PGAP1: variants seen among roughly 807,000 people sequenced by gnomAD.
The protein encoded by PGAP1 is post-GPI attachment to proteins inositol deacylase 1, also known as GPI inositol-deacylase.
A neutral mutation model predicts 127.0 loss-of-function variants in PGAP1; 76 were observed. The ratio of observed to expected loss-of-function variants is 0.60; its 90% CI spans 0.50 to 0.72. The LOEUF (loss-of-function observed/expected upper bound fraction) is 0.72. Ranked by LOEUF, PGAP1 falls within the 30% of genes least tolerant of loss-of-function variation. PGAP1 has a pLI of 0.00. For missense variants in PGAP1, 982 were observed against 1,071.3 expected (o/e 0.92, Z 1.16); for synonymous variants, 362 against 366.5 (o/e 0.99, Z 0.14).
At chr2:196,919,258 T>C (rs1177050337) in intron 2 of PGAP1, among the ~76,000 whole-genome samples, 3 of 152,178 alleles carry the variant, frequency 2.0e-5, no homozygotes, top group African/African-American at 2.4e-5. Flanking sequence ...GAGAGGGACT[T>C]TGTCTTGATA....
At chr2:196,920,270 T>C (rs1703145773) in intron 1 of PGAP1, 120 bp from the exon 2 acceptor site, 1 of 816,816 alleles carries the variant, frequency 1.2e-6, no homozygotes, top group Admixed American at 3.0e-5. Context: ...ATTACTGATA[T>C]TAAAACCACA....
intron 7 of PGAP1, among the ~76,000 whole-genome samples, chr2:196,896,192 G>T (rs535163631): frequency 6.6e-6 from 1 of 152,254 alleles, no homozygotes; most frequent in East Asian, 1.9e-4. Flanking sequence ...TGAACAATTT[G>T]GAAAATTACT....
intron 5 of PGAP1, among the ~76,000 whole-genome samples, chr2:196,899,869 A>G (rs1414946398): frequency 6.6e-6 from 1 of 152,190 alleles, no homozygotes; most frequent in Non-Finnish European, 1.5e-5. Flanking sequence ...CCGCATCTCT[A>G]CTAAAAAAAT....
At chr2:196,884,548 T>C (rs1054027746) in intron 12 of PGAP1, among the ~76,000 whole-genome samples, 39 of 152,320 alleles carry the variant, frequency 2.6e-4, no homozygotes, top group African/African-American at 8.2e-4. Context: ...TTAGCATAAG[T>C]TTCTCATTCT....
Position 196,898,408 on chromosome 2 carries a change from T to C in PGAP1, c.808-39A>G, listed in dbSNP as rs370018677. On this transcript the variant is annotated intron_variant, in intron 5 of 26. Coordinates refer to ENST00000354764, the MANE Select transcript of PGAP1 (RefSeq NM_024989.4). The stretch of plus-strand genomic sequence containing the variant: ...AAAAAATAAACTTACGAAAAGCACA[T>C]TTGTTATTCTCTAAAAGGTATGAAA... 7 of 1,374,588 alleles carry C rather than the reference T, an allele frequency of 5.1e-6. No individual in the cohort carries two copies. In the African/African-American group the frequency reaches 1.0e-4, roughly 20 times the overall value. The allele number at this position is 1,374,588 out of a possible 1,614,324, so 85.1% of individuals were successfully genotyped here.
chr2:196,834,237 T>C lies in PGAP1; in HGVS notation c.*6997A>G, dbSNP rs1379809280. The C allele has an allele frequency of 1.3e-5, 2 of 152,230 alleles. No homozygotes were observed. Among genetic ancestry groups the C allele is most frequent in the South Asian group, 4.1e-4 (2 of 4,830 alleles). The allele number at this position is 152,230 out of a possible 1,614,324, so 9.4% of individuals were successfully genotyped here. A position where few individuals can be genotyped will look rare whatever the true frequency, so the allele number is the denominator to read the frequency against. Reference sequence around the variant, plus strand: ...AGCCAAACCTAATTTTCTACATCTATGTAGCGTAAGTCTACTTTAATTCAA... The same window carrying C: ...AGCCAAACCTAATTTTCTACATCTACGTAGCGTAAGTCTACTTTAATTCAA... On this transcript the variant is annotated 3_prime_UTR_variant, in exon 27 of 27. Coordinates refer to ENST00000354764, the MANE Select transcript of PGAP1 (RefSeq NM_024989.4).
At chr2:196,869,917 A>G (rs1175317294) in intron 19 of PGAP1, among the ~76,000 whole-genome samples, 1 of 152,212 alleles carries the variant, frequency 6.6e-6, no homozygotes, top group Non-Finnish European at 1.5e-5. Context: ...CTATGCCTGC[A>G]TTGCAAAATA....
In PGAP1 at chr2:196,836,082, A is replaced by T. The variant is rs895502051; in HGVS notation, c.*5152T>A. ...CAAATACGCAAACAAATCTACACTA[A>T]CTAATCAAAACACACCAACAGATAC... On this transcript the variant is annotated 3_prime_UTR_variant, in exon 27 of 27. Coordinates refer to ENST00000354764, the MANE Select transcript of PGAP1 (RefSeq NM_024989.4). 6 of 152,248 alleles carry T rather than the reference A, an allele frequency of 3.9e-5. No individual in the cohort carries two copies. The highest frequency in any genetic ancestry group is 1.4e-4 in the African/African-American group (6 of 41,446). 9.4% of individuals were successfully genotyped at this position (152,248 alleles called of 1,614,324 possible). A position where few individuals can be genotyped will look rare whatever the true frequency, so the allele number is the denominator to read the frequency against.
chr2:196,871,195 T>C (rs1294374750), intron 18 of PGAP1, among the ~76,000 whole-genome samples: 2 of 152,174 alleles, frequency 1.3e-5, no homozygotes, highest in African/African-American at 2.4e-5. Flanking sequence ...CCCACATATC[T>C]AATTATTTGA....
At chr2:196,918,583 A>C (rs957311224) in intron 2 of PGAP1, among the ~76,000 whole-genome samples, 1 of 152,184 alleles carries the variant, frequency 6.6e-6, no homozygotes, top group African/African-American at 2.4e-5. Context: ...AAAATAATAC[A>C]TACTGAATGA....
chr2:196,922,608 ACACAC>A, intron 1 of PGAP1: 4 of 804,228 alleles, frequency 5.0e-6, no homozygotes, highest in Non-Finnish European at 6.0e-6. Context: ...ACACACACAC[ACACAC>A]ACAACAAAGC....
At chr2:196,857,538 T>C (rs1700925391) in intron 20 of PGAP1, among the ~76,000 whole-genome samples, 1 of 152,110 alleles carries the variant, frequency 6.6e-6, no homozygotes, top group Non-Finnish European at 1.5e-5. Flanking sequence ...AACTATGGGG[T>C]GATTGATCAG....
chr2:196,875,831 A>G lies in PGAP1; in HGVS notation c.1351-10T>C. On this transcript the variant is annotated splice_polypyrimidine_tract_variant and intron_variant, in intron 13 of 26. Coordinates refer to ENST00000354764, the MANE Select transcript of PGAP1 (RefSeq NM_024989.4). ...CACAATCTACAACAAACTGAAATAT[A>G]AAACATTGATTTATTAGAAAAAGTA... is the stretch of plus-strand genomic sequence containing the variant. 7.6e-7 allele frequency: 1 copy of G among 1,313,976 alleles called. No individual in the cohort carries two copies. The allele number at this position is 1,313,976 out of a possible 1,614,324, so 81.4% of individuals were successfully genotyped here.
At position 196,835,136 on chromosome 2, in the gene PGAP1, C is replaced by G. The variant is rs1700206088; in HGVS notation, c.*6098G>C. The stretch of plus-strand genomic sequence containing the variant: ...GATAAAAAATAATTTCTAAGCCTAT[C>G]ACATTTTCTACTTTTCTTCCATGAG... On this transcript the variant is annotated 3_prime_UTR_variant, in exon 27 of 27. Transcript: ENST00000354764. 1 of 151,944 alleles carries G rather than the reference C, an allele frequency of 6.6e-6. No individual in the cohort carries two copies. The highest frequency in any genetic ancestry group is 1.5e-5 in the Non-Finnish European group (1 of 67,872). 9.4% of individuals were successfully genotyped at this position (151,944 alleles called of 1,614,324 possible).
chr2:196,873,141 C>T (rs1034160580), intron 16 of PGAP1, 115 bp from the exon 17 acceptor site: 5 of 482,362 alleles, frequency 1.0e-5, no homozygotes, highest in African/African-American at 8.2e-5. Context: ...AAAATCAGTA[C>T]AGGTTATATT....
At position 196,847,076 on chromosome 2, in the gene PGAP1, T is replaced by C. The variant is rs1212278291; in HGVS notation, c.2077A>G (p.Thr693Ala). 5.0e-6 allele frequency: 8 copies of C among 1,613,762 alleles called. No homozygotes were observed. Among genetic ancestry groups the C allele is most frequent in the Non-Finnish European group, 5.9e-6 (7 of 1,179,808 alleles). ...GACAGTAGGCCACTCCAGTAGGCAG[T>C]ACACGTTCCAAACAGAAAGAGAATC... is the stretch of plus-strand genomic sequence containing the variant. ...SLILFLFGTC[T>A]AYWSGLLSSA... Residue 693 changes from threonine to alanine, a missense_variant, in exon 22 of 27, where the codon ACT (threonine) becomes GCT (alanine). Transcript: ENST00000354764.
Position 196,897,203 on chromosome 2 carries a change from G to A in PGAP1, c.861-6C>T, listed in dbSNP as rs1480610856. ...TCAACTGCAATTGTTTACACCTAAG[G>A]AATAAAGTAAGTGTTACAAATAAAA... On this transcript the variant is annotated splice_polypyrimidine_tract_variant and splice_region_variant and intron_variant, in intron 6 of 26. Transcript: ENST00000354764. 10 of 1,542,264 alleles carry A rather than the reference G, an allele frequency of 6.5e-6. No homozygotes were observed. Among genetic ancestry groups the A allele is most frequent in the Non-Finnish European group, 7.9e-6 (9 of 1,133,342 alleles).
At position 196,837,612 on chromosome 2, in the gene PGAP1, T is replaced by A. The variant is rs1299851074; in HGVS notation, c.*3622A>T. The stretch of plus-strand genomic sequence containing the variant: ...TTGGACTCCAGCCTGGGTGACAGAA[T>A]GAGACTCTGTTTCTAAAGAAAAAAC... On this transcript the variant is annotated 3_prime_UTR_variant, in exon 27 of 27. Transcript: ENST00000354764. 3 of 152,118 alleles carry A rather than the reference T, an allele frequency of 2.0e-5. No homozygotes were observed. The highest frequency in any genetic ancestry group is 4.8e-5 in the African/African-American group (2 of 41,410). The allele number at this position is 152,118 out of a possible 1,614,324, so 9.4% of individuals were successfully genotyped here. A position where few individuals can be genotyped will look rare whatever the true frequency, so the allele number is the denominator to read the frequency against.
At chr2:196,874,012 A>T (rs1433894904) in intron 14 of PGAP1, 2 of 325,664 alleles carry the variant, frequency 6.1e-6, no homozygotes, top group African/African-American at 4.3e-5. Context: ...AGAAAGGTGT[A>T]CTTTCTTGGT....
Sources: gnomAD v4.1 joint callset for allele counts (sites outside exome capture counted in the v4.1 genomes callset) on GRCh38, gnomAD v4.1.1 for gene constraint, MANE v1.5 for transcripts, NCBI Gene and HGNC (gene_info 2026-07-23, HGNC 2026-07-21) for gene names.